SBF2: variants seen among roughly 807,000 people sequenced by gnomAD.
SBF2 encodes the protein myotubularin-related protein 13.
In SBF2, 112 loss-of-function variants were observed where a neutral mutation model predicts 225.2. That is an observed-to-expected ratio of 0.50 (90% CI 0.43 to 0.58). The LOEUF (loss-of-function observed/expected upper bound fraction) is 0.58. Ranked by LOEUF, SBF2 falls within the 20% of genes least tolerant of loss-of-function variation. The pLI, the probability that SBF2 is intolerant of heterozygous loss-of-function variation, is 0.00. For synonymous variants in SBF2, 763 were observed against 773.3 expected, an observed-to-expected ratio of 0.99 and a Z score of 0.22; for missense variants, 1,996 against 2,206.2, an observed-to-expected ratio of 0.90 and a Z score of 1.91.
intron 6 of SBF2, among the ~76,000 whole-genome samples, chr11:10,011,824 T>A (rs998104031): frequency 1.3e-5 from 2 of 152,214 alleles, no homozygotes; most frequent in Non-Finnish European, 1.5e-5. Flanking sequence ...TGTGTCTACA[T>A]GGGGATTTTT....
chr11:9,929,970 A>G (rs1864362561), intron 16 of SBF2, among the ~76,000 whole-genome samples: 1 of 152,136 alleles, frequency 6.6e-6, no homozygotes, highest in Non-Finnish European at 1.5e-5. Context: ...GTAGGGGAAC[A>G]ATACTTACTG....
At chr11:9,883,314 G>C (rs1478144180) in intron 17 of SBF2, among the ~76,000 whole-genome samples, 2 of 151,492 alleles carry the variant, frequency 1.3e-5, no homozygotes, top group Non-Finnish European at 2.9e-5. Flanking sequence ...CCAAAACTTA[G>C]TGGCTTAAAA....
intron 13 of SBF2, among the ~76,000 whole-genome samples, chr11:9,979,282 T>G (rs1946839283): frequency 6.6e-6 from 1 of 152,192 alleles, no homozygotes; most frequent in Non-Finnish European, 1.5e-5. Context: ...TATAGCTAAC[T>G]GCTCTCATGC....
chr11:10,242,537 G>A (rs190906897), intron 1 of SBF2, among the ~76,000 whole-genome samples: 115 of 152,116 alleles, frequency 7.6e-4, no homozygotes, highest in Middle Eastern at 3.4e-3. Flanking sequence ...CCAATCAAAG[G>A]AGGTAAAGTA....
chr11:10,280,234 AT>A (rs1208620246), intron 1 of SBF2, among the ~76,000 whole-genome samples: 2 of 152,166 alleles, frequency 1.3e-5, no homozygotes, highest in African/African-American at 4.8e-5. Flanking sequence ...CGAAATGACA[AT>A]TTTAGTTTCC....
chr11:9,847,508 G>C (rs1856631741), intron 22 of SBF2, among the ~76,000 whole-genome samples: 1 of 101,796 alleles, frequency 9.8e-6, no homozygotes, highest in Admixed American at 1.1e-4. Flanking sequence ...TTATAGGAAG[G>C]GAGGTTTTAC....
chr11:9,832,559 A>T, intron 26 of SBF2, 139 bp from the exon 27 acceptor site: 2 of 690,352 alleles, frequency 2.9e-6, no homozygotes. Flanking sequence ...TCTAAGATTC[A>T]GAAACATATT....
At chr11:9,897,186 A>G (rs1861333185) in intron 16 of SBF2, among the ~76,000 whole-genome samples, 1 of 152,184 alleles carries the variant, frequency 6.6e-6, no homozygotes. Context: ...TGCATAGAAT[A>G]TTCAGCCTTA....
intron 16 of SBF2, among the ~76,000 whole-genome samples, chr11:9,955,127 TACA>T (rs1866079165): frequency 6.6e-6 from 1 of 152,052 alleles, no homozygotes; most frequent in African/African-American, 2.4e-5. Flanking sequence ...ATAAAAGTAA[TACA>T]TGCTTGTTAT....
intron 2 of SBF2, among the ~76,000 whole-genome samples, chr11:10,084,832 CAG>C (rs1333753892): frequency 6.6e-6 from 1 of 152,118 alleles, no homozygotes; most frequent in African/African-American, 2.4e-5. Flanking sequence ...AACTCAGAAA[CAG>C]AGTCAAATGC....
chr11:10,237,725 C>G (rs1314849398), intron 1 of SBF2, among the ~76,000 whole-genome samples: 6 of 152,172 alleles, frequency 3.9e-5, no homozygotes, highest in Admixed American at 2.0e-4. Context: ...CCATAACCCC[C>G]CAAAGATTCT....
At chr11:10,022,989 CTTGT>C (rs1389262379) in intron 6 of SBF2, among the ~76,000 whole-genome samples, 1 of 152,072 alleles carries the variant, frequency 6.6e-6, no homozygotes, top group Non-Finnish European at 1.5e-5. Flanking sequence ...ATAATACTTG[CTTGT>C]TTTTCTTTCT....
intron 2 of SBF2, among the ~76,000 whole-genome samples, chr11:10,176,492 A>T (rs1259669437): frequency 6.6e-6 from 1 of 151,858 alleles, no homozygotes; most frequent in Non-Finnish European, 1.5e-5. Context: ...GATGCAATAA[A>T]AAATGATAAA....
At chr11:9,982,182 C>T (rs1001981842) in intron 13 of SBF2, among the ~76,000 whole-genome samples, 2 of 152,000 alleles carry the variant, frequency 1.3e-5, no homozygotes, top group African/African-American at 2.4e-5. Context: ...TTCAGCTTTT[C>T]GCTCCCTCTG....
intron 2 of SBF2, among the ~76,000 whole-genome samples, chr11:10,108,726 G>A (rs1200059768): frequency 6.6e-6 from 1 of 151,254 alleles, no homozygotes; most frequent in African/African-American, 2.4e-5. Context: ...GGGTTTCACT[G>A]TGTTAGCCAG....
At chr11:10,196,862 A>ATTTTTTTT (rs1208099879) in intron 1 of SBF2, among the ~76,000 whole-genome samples, 2 of 22,028 alleles carry the variant, frequency 9.1e-5, no homozygotes, top group African/African-American at 1.9e-4. Context: ...ATATATATAT[A>ATTTTTTTT]TATATTTTTT....
intron 2 of SBF2, among the ~76,000 whole-genome samples, chr11:10,120,146 G>C (rs1203501793): frequency 1.3e-5 from 2 of 152,106 alleles, no homozygotes; most frequent in Admixed American, 6.5e-5. Flanking sequence ...CTATGAGTTT[G>C]ACTACTTTAG....
At chr11:9,820,057 TA>T (rs1404767497) in intron 28 of SBF2, among the ~76,000 whole-genome samples, 1 of 152,186 alleles carries the variant, frequency 6.6e-6, no homozygotes, top group Non-Finnish European at 1.5e-5. Context: ...TTGAGTAATA[TA>T]TTTTTTTCCA....
At position 9,878,611 on chromosome 11, in the gene SBF2, G is replaced by C. The variant is rs1163661995; in HGVS notation, c.1929+17332C>G. Among the ~76,000 whole-genome samples, 3 of 152,140 alleles carry C rather than the reference G, an allele frequency of 2.0e-5. No homozygotes were observed. In the East Asian group the frequency reaches 5.8e-4, roughly 29 times the overall value. ...CAGAGACCATGTCTTGCACATCTTGGCATCAATTCAAATGCTAGGTTAAAG... is the reference window on the plus strand; with the variant it reads ...CAGAGACCATGTCTTGCACATCTTGCCATCAATTCAAATGCTAGGTTAAAG... On this transcript the variant is annotated intron_variant, in intron 17 of 39. Transcript: ENST00000256190.
Sources: allele counts gnomAD v4.1 joint callset (sites outside exome capture counted in the v4.1 genomes callset), GRCh38; gene constraint gnomAD v4.1.1; transcripts MANE v1.5; gene names NCBI Gene and HGNC (gene_info 2026-07-23, HGNC 2026-07-21).